SEMA5A: variants seen among roughly 807,000 people sequenced by gnomAD.
The protein encoded by SEMA5A is semaphorin 5A.
Under a neutral mutation model 135.5 loss-of-function variants are expected in SEMA5A, and 55 were observed. The ratio of observed to expected loss-of-function variants is 0.41; its 90% CI spans 0.33 to 0.51. The LOEUF is 0.51. SEMA5A is among the 20% of genes least tolerant of loss of function. SEMA5A has a pLI of 0.37. For missense variants in SEMA5A, 1,290 were observed against 1,419.9 expected, an observed-to-expected ratio of 0.91 and a Z score of 1.47; for synonymous variants, 580 against 546.5, an observed-to-expected ratio of 1.06 and a Z score of -0.85.
At chr5:9,264,185 C>A (rs958908999) in intron 5 of SEMA5A, among the ~76,000 whole-genome samples, 1 of 152,056 alleles carries the variant, frequency 6.6e-6, no homozygotes, top group African/African-American at 2.4e-5. Context: ...TTCATTTAGA[C>A]CTATTATTTA....
chr5:9,423,579 G>C (rs1197218302), intron 2 of SEMA5A, among the ~76,000 whole-genome samples: 1 of 152,174 alleles, frequency 6.6e-6, no homozygotes, highest in South Asian at 2.1e-4. Context: ...TGAGAAATGT[G>C]AGCCTTATGC....
intron 15 of SEMA5A, 133 bp from the exon 16 acceptor site, chr5:9,108,420 G>T: frequency 1.0e-6 from 1 of 998,288 alleles, no homozygotes; most frequent in African/African-American, 1.6e-5. Context: ...TTTGTATTTT[G>T]AGCAGTTGCA....
intron 1 of SEMA5A, chr5:9,519,938 C>T (rs978990968): frequency 2.6e-5 from 4 of 152,148 alleles, no homozygotes; most frequent in Non-Finnish European, 5.9e-5. Context: ...GAAACATTGT[C>T]ACAACACATA....
At chr5:9,054,380 A>G in intron 18 of SEMA5A, 123 bp from the exon 19 acceptor site, 1 of 1,280,678 alleles carries the variant, frequency 7.8e-7, no homozygotes, top group Non-Finnish European at 1.1e-6. Context: ...TCTGCACTCC[A>G]GAAAGGCTTC....
intron 2 of SEMA5A, among the ~76,000 whole-genome samples, chr5:9,434,908 C>T (rs1757977448): frequency 6.6e-6 from 1 of 152,124 alleles, no homozygotes; most frequent in Non-Finnish European, 1.5e-5. Context: ...ACAATAGTTC[C>T]TTGCTTAAAT....
At chr5:9,172,871 T>C (rs1297214014) in intron 11 of SEMA5A, among the ~76,000 whole-genome samples, 1 of 152,230 alleles carries the variant, frequency 6.6e-6, no homozygotes, top group Non-Finnish European at 1.5e-5. Context: ...TTAACAAGAT[T>C]CACTATACTC....
chr5:9,354,853 A>G (rs1754373262), intron 3 of SEMA5A, among the ~76,000 whole-genome samples: 1 of 152,190 alleles, frequency 6.6e-6, no homozygotes. Context: ...ATAGAGGTCT[A>G]GGCAAAGGGC....
rs193298357 is a variant in SEMA5A at position 9,401,065 on chromosome 5, C to A, written c.-77-21042G>T. Among the ~76,000 whole-genome samples, 174 of 152,186 alleles carry A rather than the reference C, an allele frequency of 1.1e-3. 1 individual carries two copies. Among genetic ancestry groups the A allele is most frequent in the Non-Finnish European group, 1.9e-3 (126 of 68,000 alleles). ...ACCCTGAGAGACTAGGTACACATTT[C>A]TTCACTCCAACTTGTTTATTAAAAA... On this transcript the variant is annotated intron_variant, in intron 2 of 22. Transcript: ENST00000382496.
chr5:9,481,518 T>C (rs1283656795), intron 1 of SEMA5A, among the ~76,000 whole-genome samples: 1 of 152,148 alleles, frequency 6.6e-6, no homozygotes, highest in Non-Finnish European at 1.5e-5. Flanking sequence ...ACCAACATAG[T>C]CCTGTTCACT....
intron 13 of SEMA5A, among the ~76,000 whole-genome samples, chr5:9,132,538 A>G (rs967370341): frequency 5.3e-5 from 8 of 152,210 alleles, no homozygotes; most frequent in African/African-American, 1.2e-4. Flanking sequence ...CCAGCCTTCA[A>G]GACGATGTGA....
intron 5 of SEMA5A, among the ~76,000 whole-genome samples, chr5:9,266,453 T>G (rs2150528484): frequency 6.6e-6 from 1 of 152,332 alleles, no homozygotes; most frequent in Admixed American, 6.5e-5. Context: ...ATACTACACA[T>G]TTTAAAAGTC....
intron 5 of SEMA5A, among the ~76,000 whole-genome samples, chr5:9,264,591 G>A (rs1421386733): frequency 1.3e-5 from 2 of 152,098 alleles, no homozygotes; most frequent in Non-Finnish European, 2.9e-5. Context: ...TCAGCTTCGG[G>A]GTTCCAGGTT....
intron 3 of SEMA5A, among the ~76,000 whole-genome samples, chr5:9,370,045 A>G (rs1202714986): frequency 1.3e-5 from 2 of 152,224 alleles, no homozygotes; most frequent in African/African-American, 4.8e-5. Flanking sequence ...GGGTAACCCT[A>G]GTAACTAAAA....
At chr5:9,346,789 C>T (rs981149603) in intron 3 of SEMA5A, among the ~76,000 whole-genome samples, 118 of 152,280 alleles carry the variant, frequency 7.7e-4, no homozygotes, top group African/African-American at 2.5e-3. Flanking sequence ...GTAAATGAGG[C>T]ATCCCTATCA....
intron 16 of SEMA5A, among the ~76,000 whole-genome samples, chr5:9,089,493 G>T (rs928279245): frequency 6.6e-6 from 1 of 151,916 alleles, no homozygotes; most frequent in African/African-American, 2.4e-5. Context: ...GACTGCAATG[G>T]GTGAATATCG....
At chr5:9,185,117 G>T (rs1348391703) in intron 11 of SEMA5A, among the ~76,000 whole-genome samples, 2 of 152,090 alleles carry the variant, frequency 1.3e-5, no homozygotes, top group Non-Finnish European at 2.9e-5. Context: ...TTGTAGATGT[G>T]CAGTTCCACT....
intron 2 of SEMA5A, among the ~76,000 whole-genome samples, chr5:9,386,555 TG>T (rs1755899827): frequency 6.6e-6 from 1 of 152,166 alleles, no homozygotes; most frequent in Non-Finnish European, 1.5e-5. Context: ...GCCCCTCATC[TG>T]TCTAGTCCTC....
In SEMA5A at chr5:9,446,073, CAG is replaced by C. The variant is rs1241690078; in HGVS notation, c.-174-8223_-174-8222del. Among the ~76,000 whole-genome samples, 4 of 152,232 alleles carry C rather than the reference CAG, an allele frequency of 2.6e-5. No individual in the cohort carries two copies. In the East Asian group the frequency reaches 5.8e-4, roughly 22 times the overall value. ...AGCTAAAGAAAAATAAACACAGTAA[CAG>C]GGGATTTTGTTTCTCAAAGCATTGA... is the stretch of plus-strand genomic sequence containing the variant. On this transcript the variant is annotated intron_variant, in intron 1 of 22. Coordinates refer to ENST00000382496, the MANE Select transcript of SEMA5A (RefSeq NM_003966.3).
At chr5:9,454,054 A>T (rs1433268155) in intron 1 of SEMA5A, among the ~76,000 whole-genome samples, 2 of 152,226 alleles carry the variant, frequency 1.3e-5, no homozygotes, top group African/African-American at 4.8e-5. Context: ...GCTGGGAGCC[A>T]CTGGTGCCTG....
Sources: gnomAD v4.1 joint callset for allele counts (sites outside exome capture counted in the v4.1 genomes callset) on GRCh38, gnomAD v4.1.1 for gene constraint, MANE v1.5 for transcripts, NCBI Gene and HGNC (gene_info 2026-07-23, HGNC 2026-07-21) for gene names.